Variants in PPP2R5E observed in about 807,000 individuals in gnomAD.
PPP2R5E encodes serine/threonine-protein phosphatase 2A 56 kDa regulatory subunit epsilon isoform.
Under a neutral mutation model 65.3 loss-of-function variants are expected in PPP2R5E, and 4 were observed. The observed-to-expected ratio is 0.06, with a 90% CI of 0.03 to 0.14. The LOEUF (loss-of-function observed/expected upper bound fraction) is 0.14, where lower values mean the gene tolerates loss of function less well. PPP2R5E is among the 10% of genes least tolerant of loss of function. The pLI is 1.00. For missense variants in PPP2R5E, 274 were observed against 556.1 expected (o/e 0.49, Z 5.10); for synonymous variants, 183 against 187.4 (o/e 0.98, Z 0.19).
intron 2 of PPP2R5E, among the ~76,000 whole-genome samples, chr14:63,511,331 C>A (rs1892442880): frequency 6.6e-6 from 1 of 152,194 alleles, no homozygotes; most frequent in Non-Finnish European, 1.5e-5. Flanking sequence ...GAAGCCCAGG[C>A]TAACCTGCTG....
At chr14:63,541,010 A>C (rs1485793281) in intron 1 of PPP2R5E, among the ~76,000 whole-genome samples, 1 of 152,186 alleles carries the variant, frequency 6.6e-6, no homozygotes, top group Non-Finnish European at 1.5e-5. Flanking sequence ...TAATATTATG[A>C]ATGGGTTCTG....
In PPP2R5E at chr14:63,520,314, T is replaced by C. The variant is rs568403799; in HGVS notation, c.157+19215A>G. 6.1e-4 allele frequency among the ~76,000 whole-genome samples: 93 copies of C among 152,224 alleles called. 1 individual carries two copies. The South Asian group carries it at 0.019, about 31-fold the overall frequency. On this transcript the variant is annotated intron_variant, in intron 2 of 13. Coordinates refer to ENST00000337537, the MANE Select transcript of PPP2R5E (RefSeq NM_006246.5). Reference sequence around the variant, plus strand: ...CCTCCCAAAGTGCTGGGATTACAGGTGTGAGCCACCGCGCCCAGCCAAGAA... The same window carrying C: ...CCTCCCAAAGTGCTGGGATTACAGGCGTGAGCCACCGCGCCCAGCCAAGAA...
intron 3 of PPP2R5E, among the ~76,000 whole-genome samples, chr14:63,449,261 T>C (rs943849505): frequency 6.6e-6 from 1 of 152,224 alleles, no homozygotes; most frequent in Non-Finnish European, 1.5e-5. Flanking sequence ...TTAGAGAACT[T>C]AAGAACCACT....
chr14:63,451,183 T>C (rs1488421663), intron 3 of PPP2R5E: 1 of 152,164 alleles, frequency 6.6e-6, no homozygotes, highest in Non-Finnish European at 1.5e-5. Context: ...ACTCTTACCA[T>C]ACAATACATA....
chr14:63,424,951 T>C (rs774159988), intron 3 of PPP2R5E, among the ~76,000 whole-genome samples: 5 of 152,168 alleles, frequency 3.3e-5, no homozygotes, highest in Admixed American at 6.5e-5. Context: ...AAGATGAGCA[T>C]AGAGCCGTAT....
At chr14:63,454,116 A>C (rs1016355034) in intron 2 of PPP2R5E, among the ~76,000 whole-genome samples, 1 of 152,236 alleles carries the variant, frequency 6.6e-6, no homozygotes, top group Non-Finnish European at 1.5e-5. Context: ...TTGCTATTCC[A>C]CAACCAAGGA....
At chr14:63,448,661 C>T (rs1021530242) in intron 3 of PPP2R5E, among the ~76,000 whole-genome samples, 3 of 151,910 alleles carry the variant, frequency 2.0e-5, no homozygotes, top group Admixed American at 1.3e-4. Context: ...TGGTGGCTCC[C>T]GTGTATAATG....
chr14:63,465,006 T>C (rs1410494576), intron 2 of PPP2R5E, among the ~76,000 whole-genome samples: 2 of 143,496 alleles, frequency 1.4e-5, no homozygotes, highest in Non-Finnish European at 3.0e-5. Context: ...CTGGGTGACA[T>C]AGTGAGACTC....
At chr14:63,540,624 G>C (rs978334541) in intron 1 of PPP2R5E, among the ~76,000 whole-genome samples, 2 of 150,992 alleles carry the variant, frequency 1.3e-5, no homozygotes, top group African/African-American at 2.4e-5. Flanking sequence ...TCGGGAGGCT[G>C]AGGCAGGAGA....
At chr14:63,462,460 T>C (rs2139514960) in intron 2 of PPP2R5E, among the ~76,000 whole-genome samples, 1 of 152,312 alleles carries the variant, frequency 6.6e-6, no homozygotes, top group East Asian at 1.9e-4. Context: ...CTTAAAATTC[T>C]TAACACAAAA....
intron 3 of PPP2R5E, among the ~76,000 whole-genome samples, chr14:63,439,300 G>A (rs1594875632): frequency 6.6e-6 from 1 of 151,420 alleles, no homozygotes; most frequent in Non-Finnish European, 1.5e-5. Flanking sequence ...TTAGAGGGAT[G>A]AGACTCACCT....
chr14:63,495,428 A>G (rs1891502007), intron 2 of PPP2R5E, among the ~76,000 whole-genome samples: 2 of 149,430 alleles, frequency 1.3e-5, no homozygotes, highest in African/African-American at 2.5e-5. Context: ...AAAAAAAAAA[A>G]AAAAAATTAG....
chr14:63,520,442 C>T (rs1892854343), intron 2 of PPP2R5E, among the ~76,000 whole-genome samples: 1 of 152,200 alleles, frequency 6.6e-6, no homozygotes, highest in Non-Finnish European at 1.5e-5. Flanking sequence ...AAGCACTTGC[C>T]ATTGTTGGAA....
chr14:63,438,611 A>C (rs1273010344), intron 3 of PPP2R5E, among the ~76,000 whole-genome samples: 1 of 152,176 alleles, frequency 6.6e-6, no homozygotes, highest in Non-Finnish European at 1.5e-5. Flanking sequence ...ATATTATTGG[A>C]TATATCAGTG....
In PPP2R5E at chr14:63,521,207, C is replaced by T. The variant is rs79112510; in HGVS notation, c.157+18322G>A. ...GTACAGTTAAAATAAATCCCAGTTA[C>T]TTGAACTGCCTTTTAAAATGTTAAG... is the stretch of plus-strand genomic sequence containing the variant. On this transcript the variant is annotated intron_variant, in intron 2 of 13. Transcript: ENST00000337537. 6.9e-3 allele frequency among the ~76,000 whole-genome samples: 1,053 copies of T among 152,282 alleles called. 65 individuals are homozygous for T. In the East Asian group the frequency reaches 0.15, roughly 21 times the overall value.
In PPP2R5E at chr14:63,430,373, GCATGCATACATA is replaced by G. The variant is rs201476329; in HGVS notation, c.355-8291_355-8280del. ...TACATACATACATACATACATACAT[GCATGCATACATA>G]CATACATACATACATGCATACATAC... is the stretch of plus-strand genomic sequence containing the variant. On this transcript the variant is annotated intron_variant, in intron 3 of 13. Coordinates refer to ENST00000337537, the MANE Select transcript of PPP2R5E (RefSeq NM_006246.5). 7.9e-5 allele frequency among the ~76,000 whole-genome samples: 10 copies of G among 126,640 alleles called. No homozygotes were observed. In the East Asian group the frequency reaches 2.1e-3, roughly 26 times the overall value. The allele number at this position is 126,640 out of a possible 152,430, so 83.1% of individuals were successfully genotyped here. A position where few individuals can be genotyped will look rare whatever the true frequency, so the allele number is the denominator to read the frequency against.
intron 2 of PPP2R5E, among the ~76,000 whole-genome samples, chr14:63,512,691 G>C (rs1225178572): frequency 6.6e-6 from 1 of 151,790 alleles, no homozygotes. Flanking sequence ...ATTACTTGTT[G>C]TTACTTATAA....
chr14:63,475,458 A>C (rs1194798042), intron 2 of PPP2R5E, among the ~76,000 whole-genome samples: 1 of 152,250 alleles, frequency 6.6e-6, no homozygotes, highest in African/African-American at 2.4e-5. Flanking sequence ...ATCAAAGACC[A>C]ATGAACACTT....
chr14:63,531,956 A>AACACAC (rs150782373), intron 2 of PPP2R5E, among the ~76,000 whole-genome samples: 4,913 of 150,958 alleles, frequency 0.033, 260 homozygotes, highest in African/African-American at 0.11. Flanking sequence ...TCCATCTCAA[A>AACACAC]ACACACACAC....
Sources: allele counts gnomAD v4.1 joint callset (sites outside exome capture counted in the v4.1 genomes callset), GRCh38; gene constraint gnomAD v4.1.1; transcripts MANE v1.5; gene names NCBI Gene and HGNC (gene_info 2026-07-23, HGNC 2026-07-21).